KIAA0825: variants seen among roughly 807,000 people sequenced by gnomAD.
The protein encoded by KIAA0825 is KIAA0825.
KIAA0825 carries 119 observed loss-of-function variants against 147.6 expected under a neutral mutation model. That is an observed-to-expected ratio of 0.81 (90% CI 0.69 to 0.94). The LOEUF (loss-of-function observed/expected upper bound fraction) is 0.94, where lower values mean the gene tolerates loss of function less well. Ranked by LOEUF, KIAA0825 falls within the 40% of genes least tolerant of loss-of-function variation. The pLI, the probability that KIAA0825 is intolerant of heterozygous loss-of-function variation, is 0.00. For missense variants in KIAA0825, 1,381 were observed against 1,472.7 expected (o/e 0.94, Z 1.02); for synonymous variants, 470 against 518.1 (o/e 0.91, Z 1.26).
At chr5:94,314,939 T>C (rs1326572634) in intron 20 of KIAA0825, among the ~76,000 whole-genome samples, 1 of 151,682 alleles carries the variant, frequency 6.6e-6, no homozygotes, top group Non-Finnish European at 1.5e-5. Context: ...GTCTTTGATG[T>C]ATTCGTATGT....
chr5:94,549,160 A>G (rs957577555), intron 2 of KIAA0825, among the ~76,000 whole-genome samples: 1 of 152,196 alleles, frequency 6.6e-6, no homozygotes, highest in Non-Finnish European at 1.5e-5. Flanking sequence ...TCCTCAGCAC[A>G]TAGATCATTC....
intron 15 of KIAA0825, among the ~76,000 whole-genome samples, chr5:94,411,214 A>G: frequency 6.6e-6 from 1 of 152,080 alleles, no homozygotes. Context: ...GTAAATAAAG[A>G]AGCCATTAGA....
chr5:94,359,011 G>C lies in KIAA0825; in HGVS notation c.3710+25357C>G, dbSNP rs60417818. On this transcript the variant is annotated intron_variant, in intron 20 of 20. Transcript: ENST00000682413. The stretch of plus-strand genomic sequence containing the variant: ...TTTACTAATCAATTTGTAATTCTAT[G>C]ATGTCTTATGGAAGGACTGATTTTG... Among the ~76,000 whole-genome samples, 1,061 of 152,194 alleles carry C rather than the reference G, an allele frequency of 7.0e-3. 12 individuals are homozygous for C. The highest frequency in any genetic ancestry group is 0.024 in the African/African-American group (1,011 of 41,508).
intron 17 of KIAA0825, 48 bp downstream of exon 17, chr5:94,396,053 T>C (rs1750613146): frequency 5.1e-6 from 7 of 1,384,928 alleles, no homozygotes; most frequent in Non-Finnish European, 6.6e-6. Context: ...GATTTTGTTA[T>C]TGTGAAAGCA....
At chr5:94,192,560 C>T (rs1411380515) in intron 20 of KIAA0825, among the ~76,000 whole-genome samples, 3 of 152,112 alleles carry the variant, frequency 2.0e-5, no homozygotes, top group African/African-American at 7.2e-5. Context: ...CCTCTGGAAG[C>T]TGAAGCATCC....
chr5:94,533,988 T>C (rs1009252001), intron 3 of KIAA0825, among the ~76,000 whole-genome samples: 1 of 152,140 alleles, frequency 6.6e-6, no homozygotes, highest in African/African-American at 2.4e-5. Flanking sequence ...CCTGATGATA[T>C]TAAGAAGAGA....
intron 20 of KIAA0825, among the ~76,000 whole-genome samples, chr5:94,282,637 A>G (rs1267550771): frequency 6.6e-6 from 1 of 152,132 alleles, no homozygotes; most frequent in Non-Finnish European, 1.5e-5. Context: ...CTATTTGACT[A>G]TTTCAAATAA....
chr5:94,446,809 C>T (rs1215271181), intron 13 of KIAA0825, among the ~76,000 whole-genome samples: 1 of 152,028 alleles, frequency 6.6e-6, no homozygotes, highest in Non-Finnish European at 1.5e-5. Context: ...AAAACTCTTG[C>T]TACAGTTGGA....
chr5:94,280,351 G>T (rs1181122934), intron 20 of KIAA0825, among the ~76,000 whole-genome samples: 1 of 151,942 alleles, frequency 6.6e-6, no homozygotes, highest in African/African-American at 2.4e-5. Context: ...TTTGTTTTGG[G>T]TTCGGTTAGC....
chr5:94,331,631 A>C (rs1781279083), intron 20 of KIAA0825, among the ~76,000 whole-genome samples: 1 of 152,226 alleles, frequency 6.6e-6, no homozygotes, highest in Non-Finnish European at 1.5e-5. Context: ...GGTATCTTTC[A>C]TGAACATCAA....
intron 2 of KIAA0825, among the ~76,000 whole-genome samples, chr5:94,557,275 C>G (rs1246109745): frequency 6.6e-6 from 1 of 152,038 alleles, no homozygotes; most frequent in Admixed American, 6.6e-5. Flanking sequence ...CCATGCCTGG[C>G]TAATTTTTGT....
rs796520053 is a variant in KIAA0825 at position 94,435,115 on chromosome 5, A to AT, written c.2497+4866dup. On this transcript the variant is annotated intron_variant, in intron 14 of 20. Coordinates refer to ENST00000682413, the MANE Select transcript of KIAA0825 (RefSeq NM_001145678.3). ...ATCAATTAGATGAAAAAAAACCACT[A>AT]TTTTTTTTTCTTTTTTTTTAAGTTT... Among the ~76,000 whole-genome samples, 39 of 150,574 alleles carry AT rather than the reference A, an allele frequency of 2.6e-4. No individual in the cohort carries two copies. The East Asian group carries it at 2.9e-3, about 11-fold the overall frequency.
chr5:94,194,839 C>T (rs1022044770), intron 20 of KIAA0825, among the ~76,000 whole-genome samples: 1 of 152,208 alleles, frequency 6.6e-6, no homozygotes, highest in African/African-American at 2.4e-5. Context: ...CAAAATGTAG[C>T]ATTTAATCAC....
At chr5:94,439,306 A>G (rs1047106578) in intron 14 of KIAA0825, among the ~76,000 whole-genome samples, 6 of 152,208 alleles carry the variant, frequency 3.9e-5, no homozygotes, top group African/African-American at 1.4e-4. Flanking sequence ...AGAGATGCAC[A>G]GGAGTATGTG....
chr5:94,457,989 A>G (rs188678019), intron 12 of KIAA0825, among the ~76,000 whole-genome samples: 1 of 152,276 alleles, frequency 6.6e-6, no homozygotes, highest in African/African-American at 2.4e-5. Flanking sequence ...AGAAGACCAC[A>G]ACCTTAGAAA....
chr5:94,606,468 A>G (rs149406424), intron 1 of KIAA0825, among the ~76,000 whole-genome samples: 362 of 152,358 alleles, frequency 2.4e-3, no homozygotes, highest in African/African-American at 8.5e-3. Flanking sequence ...AACAGAAACA[A>G]CAAAGCTGGA....
At chr5:94,482,973 T>G (rs1762655199) in intron 6 of KIAA0825, among the ~76,000 whole-genome samples, 1 of 152,038 alleles carries the variant, frequency 6.6e-6, no homozygotes, top group Admixed American at 6.6e-5. Flanking sequence ...CAACAGTATA[T>G]TGTGGCAAAT....
chr5:94,200,946 CAT>C (rs34842887), intron 20 of KIAA0825, among the ~76,000 whole-genome samples: 21,672 of 103,256 alleles, frequency 0.21, 1,629 homozygotes, highest in Admixed American at 0.28. Flanking sequence ...AGAATTTAAA[CAT>C]ATATATATAT....
At chr5:94,166,117 C>T (rs2149933337) in intron 20 of KIAA0825, among the ~76,000 whole-genome samples, 1 of 152,118 alleles carries the variant, frequency 6.6e-6, no homozygotes, top group South Asian at 2.1e-4. Flanking sequence ...CTCATGTACC[C>T]CATAAATATA....
Sources: allele counts gnomAD v4.1 joint callset (sites outside exome capture counted in the v4.1 genomes callset), GRCh38; gene constraint gnomAD v4.1.1; transcripts MANE v1.5; gene names NCBI Gene and HGNC (gene_info 2026-07-23, HGNC 2026-07-21).